Variants in LMBRD2 observed in about 807,000 individuals in gnomAD.
LMBRD2 encodes G protein-coupled receptor-associated protein LMBRD2.
LMBRD2 carries 55 observed loss-of-function variants against 94.4 expected under a neutral mutation model. The ratio of observed to expected loss-of-function variants is 0.58; its 90% CI spans 0.47 to 0.73. The LOEUF is 0.73. LMBRD2 is among the 30% of genes least tolerant of loss of function. The probability of loss-of-function intolerance (pLI) is 0.00; values close to 1 mark genes in which losing one functional copy is unlikely to be tolerated. For synonymous variants in LMBRD2, 246 were observed against 272.4 expected, an observed-to-expected ratio of 0.90 and a Z score of 0.95; for missense variants, 640 against 831.9, an observed-to-expected ratio of 0.77 and a Z score of 2.84.
chr5:36,105,335 G>T, intron 16 of LMBRD2, 138 bp from the exon 17 acceptor site: 1 of 746,832 alleles, frequency 1.3e-6, no homozygotes, highest in Non-Finnish European at 2.2e-6. Context: ...TAACTACATG[G>T]TTCCTTAAAA....
At chr5:36,114,820 CA>C (rs987677943) in intron 12 of LMBRD2, among the ~76,000 whole-genome samples, 194 bp downstream of exon 12, 7 of 151,004 alleles carry the variant, frequency 4.6e-5, no homozygotes, top group East Asian at 1.9e-4. Flanking sequence ...ATATATGAAC[CA>C]AAAAAAACAT....
chr5:36,104,572 G>T (rs983547191), intron 17 of LMBRD2, among the ~76,000 whole-genome samples: 2 of 151,954 alleles, frequency 1.3e-5, no homozygotes, highest in Non-Finnish European at 2.9e-5. Context: ...TGCCTGACTT[G>T]CCATTTACAA....
intron 13 of LMBRD2, among the ~76,000 whole-genome samples, chr5:36,113,148 C>A (rs1285625743): frequency 6.6e-6 from 1 of 152,156 alleles, no homozygotes; most frequent in African/African-American, 2.4e-5. Context: ...CGCCCTGGGC[C>A]TGGTAGTTAA....
intron 3 of LMBRD2, 71 bp downstream of exon 3, chr5:36,142,431 G>T: frequency 1.2e-6 from 1 of 826,258 alleles, no homozygotes. Context: ...AGTCTGGATG[G>T]TAAAAACTTT....
In LMBRD2 at chr5:36,103,497, A is replaced by C. The variant is rs1303863218; in HGVS notation, c.*549T>G. On this transcript the variant is annotated 3_prime_UTR_variant, in exon 18 of 18. Transcript: ENST00000296603. ...CCCCACGAGTTTGCAAACAGATTTG[A>C]AAAAGCACTTTTTACATTCAGTTAT... is the stretch of plus-strand genomic sequence containing the variant. The C allele has an allele frequency of 6.6e-6, 1 of 152,332 alleles. No homozygotes were observed. Among genetic ancestry groups the C allele is most frequent in the African/African-American group, 2.4e-5 (1 of 41,410 alleles). 9.4% of individuals were successfully genotyped at this position (152,332 alleles called of 1,614,324 possible).
intron 16 of LMBRD2, 134 bp from the exon 17 acceptor site, chr5:36,105,331 C>T: frequency 2.6e-6 from 2 of 762,464 alleles, no homozygotes; most frequent in Non-Finnish European, 2.1e-6. Context: ...AAGATAACTA[C>T]ATGGTTCCTT....
chr5:36,134,815 G>A (rs1448209533), intron 6 of LMBRD2, among the ~76,000 whole-genome samples: 1 of 152,138 alleles, frequency 6.6e-6, no homozygotes, highest in African/African-American at 2.4e-5. Flanking sequence ...GTCCTAGGAA[G>A]CTAATAAAGC....
rs188420680 is a variant in LMBRD2, at chr5:36,128,469, C to T, written c.748-4204G>A. On this transcript the variant is annotated intron_variant, in intron 6 of 17. Coordinates refer to ENST00000296603, the MANE Select transcript of LMBRD2 (RefSeq NM_001007527.2). ...AAGTACAGTGGCTCACTCCTGTAATCCCAGCACTTTGGGAGGCTAAGGCTG... is the reference window on the plus strand; with the variant it reads ...AAGTACAGTGGCTCACTCCTGTAATTCCAGCACTTTGGGAGGCTAAGGCTG... 1.3e-3 allele frequency among the ~76,000 whole-genome samples: 201 copies of T among 152,128 alleles called. 1 individual carries two copies. The highest frequency in any genetic ancestry group is 4.7e-3 in the African/African-American group (196 of 41,490).
chr5:36,148,973 C>T (rs1744621596), intron 1 of LMBRD2, among the ~76,000 whole-genome samples: 2 of 152,154 alleles, frequency 1.3e-5, no homozygotes, highest in South Asian at 4.1e-4. Flanking sequence ...GATTATACTA[C>T]TATTACTTGA....
intron 4 of LMBRD2, among the ~76,000 whole-genome samples, chr5:36,137,884 T>G (rs1744308307): frequency 6.6e-6 from 1 of 152,178 alleles, no homozygotes; most frequent in Non-Finnish European, 1.5e-5. Flanking sequence ...CAAACCCAGC[T>G]TCAGGGTTCA....
rs1743405801 is a variant in LMBRD2, at chr5:36,103,988, A to T, written c.*58T>A. 1.6e-6 allele frequency: 2 copies of T among 1,256,274 alleles called. No homozygotes were observed. The highest frequency in any genetic ancestry group is 3.5e-5 in the Admixed American group (2 of 57,796). 77.8% of individuals were successfully genotyped at this position (1,256,274 alleles called of 1,614,324 possible). ...GAAATTCTAGGGTACACAGATGTTC[A>T]TCAAGACTGAACTGATGTGTTGACC... On this transcript the variant is annotated 3_prime_UTR_variant, in exon 18 of 18. Transcript: ENST00000296603.
At position 36,143,347 on chromosome 5, in the gene LMBRD2, CATT is replaced by C; in HGVS notation, c.-1_2del. ...TCTCAAGTCCCAAAGCTGCACCACT[CATT>C]ATTGAATATTTCACTCTGACTAACC... On this transcript the variant is annotated start_lost and start_retained_variant and 5_prime_UTR_variant, in exon 2 of 18. Coordinates refer to ENST00000296603, the MANE Select transcript of LMBRD2 (RefSeq NM_001007527.2). The C allele has an allele frequency of 6.2e-7, 1 of 1,611,894 alleles. No individual in the cohort carries two copies. The highest frequency in any genetic ancestry group is 8.5e-7 in the Non-Finnish European group (1 of 1,178,806).
chr5:36,119,125 T>C (rs924426904), intron 9 of LMBRD2, among the ~76,000 whole-genome samples: 1 of 152,182 alleles, frequency 6.6e-6, no homozygotes, highest in Non-Finnish European at 1.5e-5. Flanking sequence ...CTTTACAACT[T>C]TCCTCTCATA....
intron 13 of LMBRD2, among the ~76,000 whole-genome samples, 193 bp from the exon 14 acceptor site, chr5:36,111,451 G>A (rs1448146820): frequency 6.6e-6 from 1 of 152,006 alleles, no homozygotes; most frequent in Non-Finnish European, 1.5e-5. Flanking sequence ...TGTATGCCCT[G>A]TACTTCACTG....
chr5:36,114,292 A>C, intron 13 of LMBRD2, 132 bp downstream of exon 13: 6 of 1,142,136 alleles, frequency 5.3e-6, no homozygotes, highest in Non-Finnish European at 7.0e-6. Context: ...TAGTCCCTTC[A>C]AACTATCCCC....
intron 5 of LMBRD2, among the ~76,000 whole-genome samples, chr5:36,136,987 C>T (rs1744286476): frequency 6.6e-6 from 1 of 151,914 alleles, no homozygotes; most frequent in South Asian, 2.1e-4. Context: ...GTTATTTTAT[C>T]ATAAAAATTT....
rs116044689 is a variant in LMBRD2, at chr5:36,140,562, G to C, written c.368+545C>G. Among the ~76,000 whole-genome samples the C allele has an allele frequency of 9.0e-3, 1,371 of 152,286 alleles. 16 individuals carry two copies. Among genetic ancestry groups the C allele is most frequent in the Non-Finnish European group, 0.012 (848 of 68,022 alleles). On this transcript the variant is annotated intron_variant, in intron 4 of 17. Transcript: ENST00000296603. Reference sequence around the variant, plus strand: ...TTGGAGGGGAAAGAAAAAAAGATGGGTAGGTATGTAGATTTGTTGGTGAGA... The same window carrying C: ...TTGGAGGGGAAAGAAAAAAAGATGGCTAGGTATGTAGATTTGTTGGTGAGA...
At chr5:36,133,059 C>T (rs985314697) in intron 6 of LMBRD2, among the ~76,000 whole-genome samples, 4 of 149,668 alleles carry the variant, frequency 2.7e-5, no homozygotes, top group African/African-American at 9.8e-5. Flanking sequence ...GGTATATAAC[C>T]AAAACAAGGA....
At position 36,122,373 on chromosome 5, in the gene LMBRD2, T is replaced by C. The variant is rs1743906215; in HGVS notation, c.1027A>G (p.Asn343Asp). Residue 343 changes from asparagine (N) to aspartate (D), a missense_variant, in exon 9 of 18, where the codon AAT (asparagine) becomes GAT (aspartate). Physicochemically the swap from Asn to Asp is conservative, Grantham distance 23. Coordinates refer to ENST00000296603, the MANE Select transcript of LMBRD2 (RefSeq NM_001007527.2). ...QAFYLEDVAK[N>D]ETSATHQFVH... ...AACTGATGAGTAGCACTAGTTTCAT[T>C]TTTTGCTACATCTTCTAGATAAAAT... 1 of 1,612,936 alleles carries C rather than the reference T, an allele frequency of 6.2e-7. No homozygotes were observed. The highest frequency in any genetic ancestry group is 1.7e-5 in the Admixed American group (1 of 59,770).
Sources: allele counts gnomAD v4.1 joint callset (sites outside exome capture counted in the v4.1 genomes callset), GRCh38; gene constraint gnomAD v4.1.1; transcripts MANE v1.5; gene names NCBI Gene and HGNC (gene_info 2026-07-23, HGNC 2026-07-21).